PTK2: variants seen among roughly 807,000 people sequenced by gnomAD.
The protein encoded by PTK2 is protein tyrosine kinase 2, also known as focal adhesion kinase 1.
A neutral mutation model predicts 150.1 loss-of-function variants in PTK2; 45 were observed. The ratio of observed to expected loss-of-function variants is 0.30; its 90% CI spans 0.24 to 0.38. PTK2 has a LOEUF of 0.38. PTK2 is among the 10% of genes least tolerant of loss of function. The pLI, the probability that PTK2 is intolerant of heterozygous loss-of-function variation, is 1.00. For missense variants in PTK2, 919 were observed against 1,307.3 expected, an observed-to-expected ratio of 0.70 and a Z score of 4.58; for synonymous variants, 432 against 449.2, an observed-to-expected ratio of 0.96 and a Z score of 0.48.
At chr8:140,913,495 C>T (rs964263943) in intron 2 of PTK2, among the ~76,000 whole-genome samples, 17 of 152,062 alleles carry the variant, frequency 1.1e-4, no homozygotes, top group Non-Finnish European at 2.2e-4. Context: ...AGGGTTTCAC[C>T]ATGTTGGCCA....
intron 4 of PTK2, among the ~76,000 whole-genome samples, chr8:140,866,672 C>T (rs1274162439): frequency 6.6e-6 from 1 of 152,144 alleles, no homozygotes; most frequent in Non-Finnish European, 1.5e-5. Context: ...AGTGATAACT[C>T]GATAACTGTT....
intron 1 of PTK2, among the ~76,000 whole-genome samples, chr8:140,987,490 A>C (rs192918349): frequency 6.6e-6 from 1 of 152,344 alleles, no homozygotes; most frequent in East Asian, 1.9e-4. Flanking sequence ...TAACAACTTT[A>C]AAATGCATAA....
intron 8 of PTK2, among the ~76,000 whole-genome samples, 196 bp downstream of exon 8, chr8:140,830,276 A>G (rs191058049): frequency 8.9e-4 from 135 of 152,372 alleles, no homozygotes; most frequent in Non-Finnish European, 1.7e-3. Context: ...AAGTAAAACC[A>G]TGTTTTATGG....
intron 26 of PTK2, among the ~76,000 whole-genome samples, chr8:140,689,118 G>C (rs1018164896): frequency 6.6e-6 from 1 of 152,148 alleles, no homozygotes; most frequent in Non-Finnish European, 1.5e-5. Flanking sequence ...GCAAACACAC[G>C]TAATACATTG....
chr8:140,990,722 TTCTC>T (rs1158242456), intron 1 of PTK2, among the ~76,000 whole-genome samples: 58 of 152,192 alleles, frequency 3.8e-4, no homozygotes, highest in Non-Finnish European at 6.9e-4. Context: ...CCTACTCTTC[TTCTC>T]TATCTTGTTA....
intron 2 of PTK2, among the ~76,000 whole-genome samples, chr8:140,918,863 AGT>A (rs2100166334): frequency 6.6e-6 from 1 of 152,312 alleles, no homozygotes; most frequent in South Asian, 2.1e-4. Flanking sequence ...TTTATCTACA[AGT>A]TGTAACTTTT....
intron 16 of PTK2, among the ~76,000 whole-genome samples, chr8:140,760,629 G>A (rs1251273607): frequency 6.6e-6 from 1 of 152,192 alleles, no homozygotes; most frequent in Non-Finnish European, 1.5e-5. Flanking sequence ...TTTTTGAGGT[G>A]AAGAAAACGT....
At chr8:140,879,668 T>A (rs2154607058) in intron 3 of PTK2, 31 bp from the exon 4 acceptor site, 1 of 225,708 alleles carries the variant, frequency 4.4e-6, no homozygotes, top group Non-Finnish European at 6.5e-6. Flanking sequence ...GAATGACTGT[T>A]ATAAACTGAA....
chr8:140,686,784 C>G (rs1244236929), intron 26 of PTK2, 90 bp from the exon 30 acceptor site: 1 of 1,089,694 alleles, frequency 9.2e-7, no homozygotes, highest in Non-Finnish European at 1.4e-6. Flanking sequence ...CTTTTTAACA[C>G]AATTGTCCTC....
chr8:140,674,475 C>T, intron 28 of PTK2, 71 bp from the exon 32 acceptor site: 2 of 1,373,008 alleles, frequency 1.5e-6, no homozygotes, highest in South Asian at 2.5e-5. Context: ...GGCAGTGGCT[C>T]ATGCCTATAA....
intron 15 of PTK2, chr8:140,762,381 AT>A: frequency 8.5e-7 from 1 of 1,178,594 alleles, no homozygotes; most frequent in Non-Finnish European, 1.1e-6. Flanking sequence ...CATCTATTCC[AT>A]AGCTTTCTGT....
intron 2 of PTK2, among the ~76,000 whole-genome samples, chr8:140,900,728 AG>A (rs565308626): frequency 4.0e-5 from 6 of 149,584 alleles, no homozygotes; most frequent in South Asian, 2.1e-4. Flanking sequence ...TCAAAAAGAG[AG>A]AAAAAAAAGG....
chr8:140,659,957 T>G (rs2077083856), intron 31 of PTK2, among the ~76,000 whole-genome samples: 3 of 152,230 alleles, frequency 2.0e-5, no homozygotes. Context: ...AGCAATAGGA[T>G]GTAAAAATCA....
chr8:140,974,547 C>T (rs1479363313), intron 1 of PTK2, among the ~76,000 whole-genome samples: 1 of 152,112 alleles, frequency 6.6e-6, no homozygotes, highest in African/African-American at 2.4e-5. Context: ...TGATACAGTT[C>T]AACTTAGAAA....
chr8:140,745,461 C>A (rs1246916858), intron 18 of PTK2, among the ~76,000 whole-genome samples: 1 of 152,136 alleles, frequency 6.6e-6, no homozygotes, highest in Non-Finnish European at 1.5e-5. Context: ...TCTCCAAAAG[C>A]AAAAGCAGAA....
At chr8:140,829,372 T>C (rs1266804382) in intron 8 of PTK2, among the ~76,000 whole-genome samples, 1 of 152,224 alleles carries the variant, frequency 6.6e-6, no homozygotes, top group Non-Finnish European at 1.5e-5. Context: ...GACCCAGATA[T>C]CTGAATACAG....
chr8:140,805,697 A>G (rs2100097790), intron 10 of PTK2, among the ~76,000 whole-genome samples: 1 of 152,064 alleles, frequency 6.6e-6, no homozygotes, highest in Non-Finnish European at 1.5e-5. Context: ...AAACATCCAG[A>G]ATTCATGTGT....
At chr8:140,713,875 A>C (rs564366757) in intron 23 of PTK2, among the ~76,000 whole-genome samples, 3 of 152,272 alleles carry the variant, frequency 2.0e-5, no homozygotes, top group African/African-American at 7.2e-5. Flanking sequence ...TTTAAAAAAA[A>C]TTAAAATTTC....
chr8:140,846,114 A>T, intron 7 of PTK2, 146 bp downstream of exon 7: 1 of 596,266 alleles, frequency 1.7e-6, no homozygotes, highest in Non-Finnish European at 2.9e-6. Context: ...TAACACAATT[A>T]ATGTCATCAA....
Sources: allele counts gnomAD v4.1 joint callset (sites outside exome capture counted in the v4.1 genomes callset), GRCh38; gene constraint gnomAD v4.1.1; transcripts MANE v1.5; gene names NCBI Gene and HGNC (gene_info 2026-07-23, HGNC 2026-07-21).